Variants in SETBP1 observed in about 807,000 individuals in gnomAD.
SETBP1 encodes the protein SET-binding protein.
SETBP1 carries 9 observed loss-of-function variants against 101.0 expected under a neutral mutation model. That is an observed-to-expected ratio of 0.09 (90% CI 0.05 to 0.16). The LOEUF (loss-of-function observed/expected upper bound fraction) is 0.16. Among genes scored for constraint, SETBP1 ranks in the 10% least tolerant of loss-of-function variants. The pLI is 1.00. For synonymous variants in SETBP1, 818 were observed against 788.5 expected (o/e 1.04, Z -0.63); for missense variants, 1,858 against 2,033.8 (o/e 0.91, Z 1.66).
At chr18:44,702,977 A>G (rs554652250) in intron 2 of SETBP1, among the ~76,000 whole-genome samples, 2 of 152,318 alleles carry the variant, frequency 1.3e-5, no homozygotes, top group Admixed American at 6.5e-5. Context: ...GGTGGTGTCA[A>G]TTGGTTGGGA....
At chr18:44,967,234 A>G (rs2071740022) in intron 4 of SETBP1, among the ~76,000 whole-genome samples, 1 of 152,210 alleles carries the variant, frequency 6.6e-6, no homozygotes, top group African/African-American at 2.4e-5. Flanking sequence ...TCACCCAAAG[A>G]TAACGGAAAG....
rs1246042891 is a variant in SETBP1, at chr18:45,064,696, G to A, written c.*998G>A. 1 of 151,126 alleles carries A rather than the reference G, an allele frequency of 6.6e-6. No homozygotes were observed. The highest frequency in any genetic ancestry group is 1.5e-5 in the Non-Finnish European group (1 of 67,942). 9.4% of individuals were successfully genotyped at this position (151,126 alleles called of 1,614,324 possible). ...TGGTTTAAATACCCCACAGCAAATA[G>A]AGTAACTGACAAACCACCAAAAACT... On this transcript the variant is annotated 3_prime_UTR_variant, in exon 6 of 6. Coordinates refer to ENST00000649279, the MANE Select transcript of SETBP1 (RefSeq NM_015559.3).
At chr18:44,705,840 C>G (rs1210648519) in intron 2 of SETBP1, among the ~76,000 whole-genome samples, 1 of 152,136 alleles carries the variant, frequency 6.6e-6, no homozygotes, top group Non-Finnish European at 1.5e-5. Flanking sequence ...GATTATAGAT[C>G]GTCAGGGAAC....
chr18:44,795,099 G>A (rs1187977349), intron 2 of SETBP1, among the ~76,000 whole-genome samples: 5 of 152,142 alleles, frequency 3.3e-5, no homozygotes, highest in African/African-American at 7.2e-5. Flanking sequence ...GTATAAAATA[G>A]CAGTGTCTTA....
rs77348892 is a variant in SETBP1, at chr18:45,018,537, G to A, written c.4001-19948G>A. On this transcript the variant is annotated intron_variant, in intron 4 of 5. Transcript: ENST00000649279. The stretch of plus-strand genomic sequence containing the variant: ...CTCTTTCCTCAACTTACTAATTATC[G>A]TATTGGGAAGTCAGGATTGTTATGT... Among the ~76,000 whole-genome samples the A allele has an allele frequency of 5.5e-3, 833 of 152,240 alleles. 4 individuals carry two copies. Among genetic ancestry groups the A allele is most frequent in the Non-Finnish European group, 7.5e-3 (511 of 68,026 alleles).
chr18:44,878,922 G>T (rs556684973), intron 3 of SETBP1, among the ~76,000 whole-genome samples: 6 of 152,260 alleles, frequency 3.9e-5, no homozygotes, highest in African/African-American at 1.4e-4. Flanking sequence ...TGGAGGCTTG[G>T]TTAAGACTGC....
At chr18:44,849,629 A>G (rs113365906) in intron 2 of SETBP1, among the ~76,000 whole-genome samples, 9 of 151,990 alleles carry the variant, frequency 5.9e-5, no homozygotes, top group Non-Finnish European at 1.2e-4. Context: ...CTGAGCCACA[A>G]GTGATGAAGG....
chr18:44,918,289 G>A (rs1433291653), intron 3 of SETBP1, among the ~76,000 whole-genome samples: 8 of 152,192 alleles, frequency 5.3e-5, no homozygotes, highest in South Asian at 2.1e-4. Context: ...AGGGTCACTG[G>A]GGTGGAGCCA....
At chr18:44,910,247 G>C (rs1380185010) in intron 3 of SETBP1, among the ~76,000 whole-genome samples, 2 of 152,136 alleles carry the variant, frequency 1.3e-5, no homozygotes, top group Admixed American at 6.5e-5. Flanking sequence ...CATTGCTGCT[G>C]TTCTATAATA....
At chr18:44,994,807 A>G (rs2072455305) in intron 4 of SETBP1, among the ~76,000 whole-genome samples, 1 of 152,240 alleles carries the variant, frequency 6.6e-6, no homozygotes, top group South Asian at 2.1e-4. Context: ...ATTCAAAAAT[A>G]TGAAAAAACA....
At chr18:44,856,251 C>T (rs922479850) in intron 2 of SETBP1, among the ~76,000 whole-genome samples, 1 of 152,190 alleles carries the variant, frequency 6.6e-6, no homozygotes, top group Non-Finnish European at 1.5e-5. Context: ...GCAAGTGCCA[C>T]TTCCCCAAAG....
At position 44,952,187 on chromosome 18, in the gene SETBP1, T is replaced by G; in HGVS notation, c.2847T>G (p.Asp949Glu). ...AACGGAAAAGCCTGCAAAACCGCGA[T>G]GACCTCCAGTTTCTGGCAGACCTGG... Reference protein sequence around the residue: ...KRKRKSLQNRDDLQFLADLEE... With the variant: ...KRKRKSLQNREDLQFLADLEE... Residue 949 changes from aspartate to glutamate, a missense_variant, in exon 4 of 6, where the codon GAT becomes GAG. Physicochemically the swap from Asp to Glu is conservative, Grantham distance 45. Around this residue, in one of 12 missense-constraint regions of SETBP1, gnomAD observed 255 missense variants for 300.1 expected, o/e 0.85. Coordinates refer to ENST00000649279, the MANE Select transcript of SETBP1 (RefSeq NM_015559.3). The G allele has an allele frequency of 6.2e-7, 1 of 1,614,188 alleles. No homozygotes were observed. Among genetic ancestry groups the G allele is most frequent in the Non-Finnish European group, 8.5e-7 (1 of 1,180,038 alleles).
chr18:44,743,019 C>G (rs2070135958), intron 2 of SETBP1, among the ~76,000 whole-genome samples: 1 of 150,550 alleles, frequency 6.6e-6, no homozygotes, highest in Non-Finnish European at 1.5e-5. Context: ...TCCTCCTTCC[C>G]TTCCTGCCTG....
intron 2 of SETBP1, among the ~76,000 whole-genome samples, chr18:44,707,652 T>C (rs1256872328): frequency 6.6e-6 from 1 of 152,220 alleles, no homozygotes; most frequent in Non-Finnish European, 1.5e-5. Flanking sequence ...ATGCACTTAT[T>C]TCCTCCTTAC....
At chr18:44,921,218 C>T (rs2070572194) in intron 3 of SETBP1, among the ~76,000 whole-genome samples, 1 of 152,200 alleles carries the variant, frequency 6.6e-6, no homozygotes, top group African/African-American at 2.4e-5. Flanking sequence ...AACCTAACTA[C>T]AGTGTAATAA....
At chr18:45,006,438 G>GAT (rs1444319599) in intron 4 of SETBP1, among the ~76,000 whole-genome samples, 2 of 152,146 alleles carry the variant, frequency 1.3e-5, no homozygotes, top group Non-Finnish European at 2.9e-5. Flanking sequence ...GAAATGTATT[G>GAT]TCTCACAGTT....
chr18:45,032,031 C>G (rs1463992349), intron 4 of SETBP1, among the ~76,000 whole-genome samples: 1 of 152,150 alleles, frequency 6.6e-6, no homozygotes, highest in African/African-American at 2.4e-5. Flanking sequence ...CTGGCAGGCC[C>G]TCCTTCTGCT....
intron 2 of SETBP1, among the ~76,000 whole-genome samples, chr18:44,843,489 G>A (rs1216360886): frequency 3.9e-5 from 6 of 152,214 alleles, no homozygotes; most frequent in East Asian, 1.9e-4. Context: ...TGGGAAGACC[G>A]AGTCTCCTCA....
intron 2 of SETBP1, among the ~76,000 whole-genome samples, chr18:44,727,765 T>C (rs1308294492): frequency 6.6e-6 from 1 of 152,230 alleles, no homozygotes; most frequent in Non-Finnish European, 1.5e-5. Flanking sequence ...GTGGCCTTTC[T>C]ATTGTTGAAC....
Sources: gnomAD v4.1 joint callset for allele counts (sites outside exome capture counted in the v4.1 genomes callset) on GRCh38, gnomAD v4.1.1 for gene constraint, gnomAD v4.1.1 regional missense constraint, MANE v1.5 for transcripts, NCBI Gene and HGNC (gene_info 2026-07-23, HGNC 2026-07-21) for gene names.